The following SMPD3 variants were observed in gnomAD, a reference collection of about 807,000 sequenced individuals.
SMPD3 encodes sphingomyelin phosphodiesterase 3.
SMPD3 carries 21 observed loss-of-function variants against 55.7 expected under a neutral mutation model. The observed-to-expected ratio is 0.38, with a 90% CI of 0.27 to 0.54. The LOEUF (loss-of-function observed/expected upper bound fraction) is 0.54, where lower values mean the gene tolerates loss of function less well. Ranked by LOEUF, SMPD3 falls within the 20% of genes least tolerant of loss-of-function variation. The pLI is 0.80. For missense variants in SMPD3, 842 were observed against 899.6 expected, an observed-to-expected ratio of 0.94 and a Z score of 0.82; for synonymous variants, 457 against 404.3, an observed-to-expected ratio of 1.13 and a Z score of -1.56.
Position 68,372,210 on chromosome 16 carries a change from C to T in SMPD3, c.-29G>A. On this transcript the variant is annotated 5_prime_UTR_variant, in exon 3 of 9. Transcript: ENST00000219334. ...AGCTCACTGGGCGCCGCAGCCGGCCCTACTACATGGTGTCCGTGGCAGCTG... is the reference window on the plus strand; with the variant it reads ...AGCTCACTGGGCGCCGCAGCCGGCCTTACTACATGGTGTCCGTGGCAGCTG... The T allele has an allele frequency of 6.2e-7, 1 of 1,603,602 alleles. No individual in the cohort carries two copies. The highest frequency in any genetic ancestry group is 8.5e-7 in the Non-Finnish European group (1 of 1,176,268).
At chr16:68,363,163 C>T (rs188395454) in intron 7 of SMPD3, among the ~76,000 whole-genome samples, 47 of 116,160 alleles carry the variant, frequency 4.0e-4, no homozygotes, top group African/African-American at 3.2e-4. Flanking sequence ...TCATGGGGGT[C>T]GACCTGTGGC....
intron 7 of SMPD3, among the ~76,000 whole-genome samples, chr16:68,362,526 G>A (rs2089336366): frequency 6.6e-6 from 1 of 152,234 alleles, no homozygotes; most frequent in Non-Finnish European, 1.5e-5. Context: ...ACCCCCTCCT[G>A]GGAGCCCCCA....
At position 68,395,824 on chromosome 16, in the gene SMPD3, C is replaced by CT. The variant is rs796667797; in HGVS notation, c.-268-9166dup. On this transcript the variant is annotated intron_variant, in intron 1 of 8. Coordinates refer to ENST00000219334, the MANE Select transcript of SMPD3 (RefSeq NM_018667.4). The stretch of plus-strand genomic sequence containing the variant: ...GGAAATAGAAAACATTTCACTTACT[C>CT]TTTTTTTTAAATTAAAAATGAGGAA... 1.7e-3 allele frequency among the ~76,000 whole-genome samples: 262 copies of CT among 152,244 alleles called. 3 individuals carry two copies. Among genetic ancestry groups the CT allele is most frequent in the African/African-American group, 5.9e-3 (245 of 41,536 alleles).
chr16:68,424,428 C>T (rs2090419657), intron 1 of SMPD3, among the ~76,000 whole-genome samples: 1 of 151,932 alleles, frequency 6.6e-6, no homozygotes, highest in Admixed American at 6.5e-5. Context: ...GTCCTGTGTG[C>T]AAGGGCCTGT....
chr16:68,369,392 C>A, intron 3 of SMPD3: 1 of 151,926 alleles, frequency 6.6e-6, no homozygotes. Flanking sequence ...TGAGGGTGCC[C>A]CACAGAGGAG....
rs762151221 is a variant in SMPD3 at position 68,371,466 on chromosome 16, G to A, written c.716C>T (p.Pro239Leu). The change falls in exon 3 of 9, where the codon CCG becomes CTG. Residue 239 changes from proline to leucine, a missense_variant. This residue lies in a region of SMPD3 where 649 missense variants were observed against 643.6 expected (regional missense o/e 1.01). Transcript: ENST00000219334. The stretch of plus-strand genomic sequence containing the variant: ...GATGCGCACGATGCAGGCATCCTCC[G>A]GGCTGCTGCTGTCGACAGGGTCCCC... ...ASGDPVDSSSPEDACIVRIGG... is the reference protein window; with the variant it reads ...ASGDPVDSSSLEDACIVRIGG... 12 of 1,596,432 alleles carry A rather than the reference G, an allele frequency of 7.5e-6. No individual in the cohort carries two copies. Among genetic ancestry groups the A allele is most frequent in the South Asian group, 5.5e-5 (5 of 90,710 alleles).
At chr16:68,420,871 C>T (rs2090388051) in intron 1 of SMPD3, among the ~76,000 whole-genome samples, 1 of 152,204 alleles carries the variant, frequency 6.6e-6, no homozygotes, top group Non-Finnish European at 1.5e-5. Context: ...CCCACTTCAA[C>T]ATGTCTTCAG....
At chr16:68,405,932 G>A (rs2090251523) in intron 1 of SMPD3, among the ~76,000 whole-genome samples, 1 of 152,208 alleles carries the variant, frequency 6.6e-6, no homozygotes, top group South Asian at 2.1e-4. Flanking sequence ...AGCTAACACA[G>A]GTGGAGCACA....
In SMPD3 at chr16:68,361,370, C is replaced by A; in HGVS notation, c.1867-63G>T. 2.0e-6 allele frequency: 3 copies of A among 1,521,002 alleles called. No homozygotes were observed. In the South Asian group the frequency reaches 3.6e-5, roughly 18 times the overall value. The allele number at this position is 1,521,002 out of a possible 1,614,324, so 94.2% of individuals were successfully genotyped here. A position where few individuals can be genotyped will look rare whatever the true frequency, so the allele number is the denominator to read the frequency against. On this transcript the variant is annotated intron_variant, in intron 8 of 8. Coordinates refer to ENST00000219334, the MANE Select transcript of SMPD3 (RefSeq NM_018667.4). ...GATTCCAAGGGCATCTTGCAGGGAG[C>A]GGCCTGGGGATCCCCAAAGTGAGGC... is the stretch of plus-strand genomic sequence containing the variant.
chr16:68,384,976 C>T (rs1169303043), intron 2 of SMPD3, among the ~76,000 whole-genome samples: 2 of 152,154 alleles, frequency 1.3e-5, no homozygotes, highest in Non-Finnish European at 2.9e-5. Flanking sequence ...GAAGCGGGGA[C>T]ACAGCTATGA....
At position 68,371,791 on chromosome 16, in the gene SMPD3, C is replaced by G. The variant is rs34840366; in HGVS notation, c.391G>C (p.Val131Leu). ...GKSFCFATAN[V>L]CLLPDSLARV... ...GCGAGTGAGTCGGGCAGGAGGCAGA[C>G]GTTGGCAGTGGCAAAGCAGAAGCTT... Residue 131 changes from valine (V) to leucine (L), a missense_variant, in exon 3 of 9, where the codon GTC becomes CTC. This residue lies in a region of SMPD3 where 193 missense variants were observed against 256.0 expected (regional missense o/e 0.75). Transcript: ENST00000219334. 720 of 1,609,606 alleles carry G rather than the reference C, an allele frequency of 4.5e-4. 4 individuals are homozygous for G. In the African/African-American group the frequency reaches 8.7e-3, roughly 19 times the overall value.
intron 2 of SMPD3, among the ~76,000 whole-genome samples, chr16:68,381,824 G>A (rs2089957842): frequency 6.6e-6 from 1 of 152,164 alleles, no homozygotes; most frequent in Non-Finnish European, 1.5e-5. Context: ...CTTCTGATTG[G>A]CTGTGTAATT....
At position 68,372,291 on chromosome 16, in the gene SMPD3, C is replaced by A. The variant is rs2089692697; in HGVS notation, c.-110G>T. 2.1e-6 allele frequency: 3 copies of A among 1,415,240 alleles called. No individual in the cohort carries two copies. The highest frequency in any genetic ancestry group is 2.9e-6 in the Non-Finnish European group (3 of 1,039,162). The allele number at this position is 1,415,240 out of a possible 1,614,324, so 87.7% of individuals were successfully genotyped here. On this transcript the variant is annotated 5_prime_UTR_variant, in exon 3 of 9. Coordinates refer to ENST00000219334, the MANE Select transcript of SMPD3 (RefSeq NM_018667.4). ...TTGGGGGCAGCTGGAGGAGGGGTCA[C>A]CTCCTGGCGAGATGCAACTCCGGCT...
rs1383216914 is a variant in SMPD3, at chr16:68,366,300, C to T, written c.1324-1208G>A. 2.6e-5 allele frequency among the ~76,000 whole-genome samples: 4 copies of T among 152,184 alleles called. No homozygotes were observed. In the South Asian group the frequency reaches 8.3e-4, roughly 31 times the overall value. On this transcript the variant is annotated intron_variant, in intron 3 of 8. Coordinates refer to ENST00000219334, the MANE Select transcript of SMPD3 (RefSeq NM_018667.4). Reference sequence around the variant, plus strand: ...CAGTCGGTCAGGCTGGTATTATCTCCTCCATCTGGACGTCCTCAGCAGCAG... The same window carrying T: ...CAGTCGGTCAGGCTGGTATTATCTCTTCCATCTGGACGTCCTCAGCAGCAG...
chr16:68,399,030 C>G (rs935137143), intron 1 of SMPD3, among the ~76,000 whole-genome samples: 4 of 152,190 alleles, frequency 2.6e-5, no homozygotes, highest in African/African-American at 9.7e-5. Flanking sequence ...TCTGTTGATT[C>G]AAACATTTAA....
At chr16:68,388,858 G>GCTGT (rs1218603785) in intron 1 of SMPD3, among the ~76,000 whole-genome samples, 1 of 152,080 alleles carries the variant, frequency 6.6e-6, no homozygotes, top group Non-Finnish European at 1.5e-5. Context: ...TTTGAAATAT[G>GCTGT]CTGTCCCCCT....
Position 68,364,736 on chromosome 16 carries a change from G to A in SMPD3, c.1555+15C>T. 6.2e-7 allele frequency: 1 copy of A among 1,605,518 alleles called. No homozygotes were observed. The highest frequency in any genetic ancestry group is 8.5e-7 in the Non-Finnish European group (1 of 1,175,074). ...CCAGAGCTGGAGACCTGAGTGGGGAGGAGCCCGGCCTCACCAGAGGAGCAG... is the reference window on the plus strand; with the variant it reads ...CCAGAGCTGGAGACCTGAGTGGGGAAGAGCCCGGCCTCACCAGAGGAGCAG... On this transcript the variant is annotated intron_variant, in intron 5 of 8. Coordinates refer to ENST00000219334, the MANE Select transcript of SMPD3 (RefSeq NM_018667.4).
In SMPD3 at chr16:68,358,753, G is replaced by C. The variant is rs2089010915; in HGVS notation, c.*2453C>G. 6.6e-6 allele frequency: 1 copy of C among 152,470 alleles called. No homozygotes were observed. Among genetic ancestry groups the C allele is most frequent in the Non-Finnish European group, 1.5e-5 (1 of 68,046 alleles). The allele number at this position is 152,470 out of a possible 1,614,324, so 9.4% of individuals were successfully genotyped here. A position where few individuals can be genotyped will look rare whatever the true frequency, so the allele number is the denominator to read the frequency against. ...GGCCTAGGGCAGGAACAGAGTCTTG[G>C]TATGGGCCTCGGGTGACCCGTGTGC... On this transcript the variant is annotated 3_prime_UTR_variant, in exon 9 of 9. Coordinates refer to ENST00000219334, the MANE Select transcript of SMPD3 (RefSeq NM_018667.4).
At chr16:68,420,674 T>G (rs1468365563) in intron 1 of SMPD3, among the ~76,000 whole-genome samples, 1 of 152,250 alleles carries the variant, frequency 6.6e-6, no homozygotes, top group Non-Finnish European at 1.5e-5. Flanking sequence ...GCAATTTAAC[T>G]GCTGGGCTGC....
Sources: gnomAD v4.1 joint callset for allele counts (sites outside exome capture counted in the v4.1 genomes callset) on GRCh38, gnomAD v4.1.1 for gene constraint, gnomAD v4.1.1 regional missense constraint, MANE v1.5 for transcripts, NCBI Gene and HGNC (gene_info 2026-07-23, HGNC 2026-07-21) for gene names.